The following ATP8A2 variants were observed in gnomAD, a reference collection of about 807,000 sequenced individuals.
ATP8A2 encodes the protein phospholipid-transporting ATPase IB.
ATP8A2 carries 100 observed loss-of-function variants against 165.6 expected under a neutral mutation model. That is an observed-to-expected ratio of 0.60 (90% CI 0.51 to 0.71). The LOEUF (loss-of-function observed/expected upper bound fraction) is 0.71. Among genes scored for constraint, ATP8A2 ranks in the 30% least tolerant of loss-of-function variants. The pLI is 0.00. For missense variants in ATP8A2, 1,227 were observed against 1,479.5 expected, an observed-to-expected ratio of 0.83 and a Z score of 2.80; for synonymous variants, 543 against 548.8, an observed-to-expected ratio of 0.99 and a Z score of 0.15.
chr13:25,403,915 T>C (rs1207936314), intron 1 of ATP8A2, among the ~76,000 whole-genome samples: 1 of 152,120 alleles, frequency 6.6e-6, no homozygotes, highest in East Asian at 1.9e-4. Flanking sequence ...GTAAGATAAA[T>C]CCTAGAAGTA....
At chr13:25,439,430 A>G (rs2138192004) in intron 1 of ATP8A2, among the ~76,000 whole-genome samples, 1 of 152,350 alleles carries the variant, frequency 6.6e-6, no homozygotes, top group Non-Finnish European at 1.5e-5. Flanking sequence ...TAAATGAAAA[A>G]AAAGTCTGTT....
intron 1 of ATP8A2, among the ~76,000 whole-genome samples, chr13:25,468,172 G>C (rs766524291): frequency 3.2e-4 from 49 of 152,202 alleles, no homozygotes; most frequent in Non-Finnish European, 6.3e-4. Context: ...TTGGGGGGCA[G>C]GGGTTTGGGT....
intron 15 of ATP8A2, among the ~76,000 whole-genome samples, chr13:25,562,127 G>A (rs1362319884): frequency 6.6e-6 from 1 of 152,146 alleles, no homozygotes; most frequent in East Asian, 1.9e-4. Context: ...ATTCTTGGGG[G>A]TATATTCCTA....
intron 33 of ATP8A2, among the ~76,000 whole-genome samples, chr13:25,902,939 G>GCCCACACACACACA (rs1555288180): frequency 7.1e-6 from 1 of 140,442 alleles, no homozygotes; most frequent in African/African-American, 2.7e-5. Context: ...TCCTCAGCAT[G>GCCCACACACACACA]CACACACACA....
intron 29 of ATP8A2, among the ~76,000 whole-genome samples, chr13:25,837,630 G>A (rs914061094): frequency 1.3e-5 from 2 of 152,112 alleles, no homozygotes; most frequent in Non-Finnish European, 2.9e-5. Context: ...TTCAGGATCC[G>A]CTGTCAGAGA....
At chr13:25,388,993 C>T (rs2033152013) in intron 1 of ATP8A2, among the ~76,000 whole-genome samples, 1 of 152,164 alleles carries the variant, frequency 6.6e-6, no homozygotes, top group African/African-American at 2.4e-5. Context: ...TGCAGCTCTG[C>T]AGCAGGGGGA....
At chr13:25,996,378 T>C (rs1956503904) in intron 35 of ATP8A2, among the ~76,000 whole-genome samples, 1 of 152,224 alleles carries the variant, frequency 6.6e-6, no homozygotes. Context: ...AATTTTCACT[T>C]TAACTCATCA....
At chr13:25,410,663 G>T (rs1172538942) in intron 1 of ATP8A2, among the ~76,000 whole-genome samples, 1 of 152,168 alleles carries the variant, frequency 6.6e-6, no homozygotes, top group Non-Finnish European at 1.5e-5. Flanking sequence ...GGAAGAACGT[G>T]CACAGAAAGC....
At chr13:25,838,765 G>C (rs563798970) in intron 29 of ATP8A2, among the ~76,000 whole-genome samples, 1 of 152,050 alleles carries the variant, frequency 6.6e-6, no homozygotes, top group Non-Finnish European at 1.5e-5. Context: ...TTAATAACTC[G>C]AGGGGGGCAG....
chr13:25,605,783 TCTTA>T (rs2040501159), intron 24 of ATP8A2, among the ~76,000 whole-genome samples: 1 of 152,186 alleles, frequency 6.6e-6, no homozygotes, highest in African/African-American at 2.4e-5. Context: ...TTAAACCTTC[TCTTA>T]CTTTTGGACA....
At chr13:25,831,460 G>A (rs988222613) in intron 28 of ATP8A2, among the ~76,000 whole-genome samples, 14 of 151,962 alleles carry the variant, frequency 9.2e-5, no homozygotes, top group Admixed American at 6.6e-4. Flanking sequence ...TGTTCCACCC[G>A]CCTTGGCCTC....
At position 25,589,620 on chromosome 13, in the gene ATP8A2, C is replaced by T. The variant is rs2040015152; in HGVS notation, c.2147-15C>T. Reference sequence around the variant, plus strand: ...GGAAAGAGAAATTCACATGTTGTCTCTTCCTCCACTTCAGGGTATTCCTGC... The same window carrying T: ...GGAAAGAGAAATTCACATGTTGTCTTTTCCTCCACTTCAGGGTATTCCTGC... On this transcript the variant is annotated splice_polypyrimidine_tract_variant and intron_variant, in intron 23 of 36. Coordinates refer to ENST00000381655, the MANE Select transcript of ATP8A2 (RefSeq NM_016529.6). 1.9e-6 allele frequency: 3 copies of T among 1,598,502 alleles called. No homozygotes were observed. The highest frequency in any genetic ancestry group is 4.5e-5 in the East Asian group (2 of 44,742).
At chr13:25,516,782 A>ATTT (rs2037487808) in intron 2 of ATP8A2, among the ~76,000 whole-genome samples, 3 of 126,280 alleles carry the variant, frequency 2.4e-5, no homozygotes, top group African/African-American at 9.0e-5. Context: ...TTTCTTTCTT[A>ATTT]CTTTTTTTTT....
intron 22 of ATP8A2, 107 bp downstream of exon 22, chr13:25,580,054 C>T (rs370845388): frequency 1.5e-6 from 2 of 1,296,916 alleles, no homozygotes; most frequent in Admixed American, 2.1e-5. Flanking sequence ...GTTCTCTTTT[C>T]TTGTGTCTTA....
intron 24 of ATP8A2, among the ~76,000 whole-genome samples, chr13:25,635,955 T>C (rs2041357216): frequency 6.6e-6 from 1 of 152,140 alleles, no homozygotes; most frequent in African/African-American, 2.4e-5. Flanking sequence ...CCTCCTGTTC[T>C]GCGGGGATTC....
At chr13:25,569,216 C>T (rs1443412398) in intron 16 of ATP8A2, among the ~76,000 whole-genome samples, 5 of 152,212 alleles carry the variant, frequency 3.3e-5, no homozygotes, top group African/African-American at 9.6e-5. Flanking sequence ...GCAATGCAGG[C>T]CTTGAGGAAT....
intron 25 of ATP8A2, among the ~76,000 whole-genome samples, chr13:25,751,808 C>G (rs534081919): frequency 2.0e-5 from 3 of 151,786 alleles, no homozygotes; most frequent in Admixed American, 2.0e-4. Flanking sequence ...ATAATATAAG[C>G]AGAAATAATA....
intron 27 of ATP8A2, among the ~76,000 whole-genome samples, chr13:25,814,218 T>G (rs1423887201): frequency 6.6e-6 from 1 of 152,110 alleles, no homozygotes; most frequent in Non-Finnish European, 1.5e-5. Context: ...TGATGTAAAT[T>G]TATTTTATAG....
At chr13:25,753,142 C>T (rs917468739) in intron 25 of ATP8A2, among the ~76,000 whole-genome samples, 11 of 152,070 alleles carry the variant, frequency 7.2e-5, no homozygotes, top group South Asian at 4.2e-4. Context: ...GGGCATGGGG[C>T]GCTGCTGATC....
Sources: allele counts gnomAD v4.1 joint callset (sites outside exome capture counted in the v4.1 genomes callset), GRCh38; gene constraint gnomAD v4.1.1; transcripts MANE v1.5; gene names NCBI Gene and HGNC (gene_info 2026-07-23, HGNC 2026-07-21).